The following RUFY2 variants were observed in gnomAD, a reference collection of about 807,000 sequenced individuals.
The protein encoded by RUFY2 is RUN and FYVE domain containing 2, also known as RUN and FYVE domain-containing protein 2.
A neutral mutation model predicts 94.4 loss-of-function variants in RUFY2; 49 were observed. That is an observed-to-expected ratio of 0.52 (90% CI 0.41 to 0.66). The LOEUF (loss-of-function observed/expected upper bound fraction) is 0.66. Ranked by LOEUF, RUFY2 falls within the 30% of genes least tolerant of loss-of-function variation. The pLI is 0.00. For synonymous variants in RUFY2, 255 were observed against 235.7 expected, an observed-to-expected ratio of 1.08 and a Z score of -0.75; for missense variants, 541 against 692.8, an observed-to-expected ratio of 0.78 and a Z score of 2.46.
At chr10:68,401,854 C>T (rs2050873392) in intron 2 of RUFY2, 117 bp from the exon 3 acceptor site, 3 of 675,212 alleles carry the variant, frequency 4.4e-6, no homozygotes, top group Non-Finnish European at 7.8e-6. Flanking sequence ...GAGATCTTTC[C>T]TCTTTTATCC....
intron 7 of RUFY2, 133 bp downstream of exon 7, chr10:68,393,005 C>T (rs1385759555): frequency 2.7e-6 from 1 of 375,290 alleles, no homozygotes; most frequent in Admixed American, 4.7e-5. Flanking sequence ...TGTATTCTTA[C>T]TTTCCATTTT....
At chr10:68,379,545 G>A in intron 11 of RUFY2, 24 bp from the exon 12 acceptor site, 6 of 1,545,608 alleles carry the variant, frequency 3.9e-6, no homozygotes, top group Non-Finnish European at 5.3e-6. Flanking sequence ...CAAAAGCTAT[G>A]GTGGTTTTGA....
chr10:68,356,218 T>C (rs990609908), intron 15 of RUFY2, among the ~76,000 whole-genome samples: 18 of 152,112 alleles, frequency 1.2e-4, no homozygotes, highest in African/African-American at 4.3e-4. Flanking sequence ...AAGAAAATAC[T>C]GTGAGCCAGG....
intron 12 of RUFY2, chr10:68,378,801 C>A: frequency 1.6e-6 from 1 of 617,970 alleles, no homozygotes; most frequent in South Asian, 2.3e-5. Flanking sequence ...ATATTCATGT[C>A]AATAAAGCAT....
At chr10:68,372,146 C>T (rs1037755217) in intron 13 of RUFY2, among the ~76,000 whole-genome samples, 7 of 152,144 alleles carry the variant, frequency 4.6e-5, no homozygotes, top group Admixed American at 1.3e-4. Flanking sequence ...CAGTGGCTCA[C>T]GCCTGTAATC....
chr10:68,341,183 C>T, downstream of RUFY2: 1 of 1,565,550 alleles, frequency 6.4e-7, no homozygotes, highest in Non-Finnish European at 8.6e-7. Flanking sequence ...GTTCTTCTCA[C>T]CACTAAATCC....
chr10:68,379,590 C>A (rs988027700), intron 11 of RUFY2, 69 bp from the exon 12 acceptor site: 1 of 1,017,104 alleles, frequency 9.8e-7, no homozygotes, highest in Non-Finnish European at 1.4e-6. Context: ...TGTGTGTGTG[C>A]GTGTTTTTAA....
intron 4 of RUFY2, among the ~76,000 whole-genome samples, chr10:68,396,339 A>G (rs1449039947): frequency 6.6e-6 from 1 of 152,168 alleles, no homozygotes; most frequent in African/African-American, 2.4e-5. Context: ...ATACAGGTGA[A>G]GCAATAATAT....
chr10:68,358,802 T>C (rs1324016063), intron 15 of RUFY2, among the ~76,000 whole-genome samples: 2 of 152,032 alleles, frequency 1.3e-5, no homozygotes, highest in African/African-American at 2.4e-5. Context: ...TTCCAGCTAC[T>C]CTGGAGGCTG....
Position 68,371,000 on chromosome 10 carries a change from C to T in RUFY2, c.1325+5853G>A, listed in dbSNP as rs556078239. Among the ~76,000 whole-genome samples the T allele has an allele frequency of 7.2e-5, 11 of 151,806 alleles. No individual in the cohort carries two copies. The South Asian group carries it at 1.9e-3, about 26-fold the overall frequency. On this transcript the variant is annotated intron_variant, in intron 13 of 17. Coordinates refer to ENST00000602465, the MANE Select transcript of RUFY2 (RefSeq NM_001330103.2). The stretch of plus-strand genomic sequence containing the variant: ...ACAAAAAATTAGCCGGGTGTGGTGA[C>T]GGGCACCTGTAGTCCCAGCTACTCG...
Position 68,364,079 on chromosome 10 carries a change from C to T in RUFY2, c.1360G>A (p.Glu454Lys). ...TCTTCCTGCAAAGTCTGCCTCCATT[C>T]CTTCTCAATCTTCAAGTCAGTTTCC... ...QLETDLKIEK[E>K]WRQTLQEDLQ... The change falls in exon 14 of 18, where the codon GAA becomes AAA. Residue 454 changes from glutamate (E) to lysine (K), a missense_variant. Glu to Lys is a moderately conservative substitution (Grantham distance 56). Around this residue, in one of 3 missense-constraint regions of RUFY2, gnomAD observed 403 missense variants for 480.7 expected, o/e 0.84. Coordinates refer to ENST00000602465, the MANE Select transcript of RUFY2 (RefSeq NM_001330103.2). 6.2e-7 allele frequency: 1 copy of T among 1,613,268 alleles called. No individual in the cohort carries two copies. Among genetic ancestry groups the T allele is most frequent in the South Asian group, 1.1e-5 (1 of 90,948 alleles).
intron 13 of RUFY2, among the ~76,000 whole-genome samples, chr10:68,371,232 T>C (rs1292984013): frequency 2.0e-5 from 3 of 150,766 alleles, no homozygotes; most frequent in Non-Finnish European, 4.4e-5. Flanking sequence ...CCAAACTGGC[T>C]AAGATGGTGA....
At chr10:68,359,450 T>C (rs974097111) in intron 15 of RUFY2, among the ~76,000 whole-genome samples, 1 of 140,890 alleles carries the variant, frequency 7.1e-6, no homozygotes, top group African/African-American at 2.5e-5. Flanking sequence ...TATATAAATA[T>C]ACATAGTAGT....
intron 7 of RUFY2, among the ~76,000 whole-genome samples, chr10:68,386,494 C>A (rs540840291): frequency 6.6e-6 from 1 of 152,184 alleles, no homozygotes; most frequent in South Asian, 2.1e-4. Flanking sequence ...GGTTTACAGG[C>A]GTGCGCCACC....
intron 16 of RUFY2, among the ~76,000 whole-genome samples, chr10:68,348,963 T>C (rs2132281561): frequency 6.6e-6 from 1 of 151,136 alleles, no homozygotes; most frequent in African/African-American, 2.4e-5. Context: ...AGTTAGCTGC[T>C]AGACTTACAC....
chr10:68,400,706 GA>G lies in RUFY2; in HGVS notation c.296+913del, dbSNP rs1364596975. 6.8e-4 allele frequency among the ~76,000 whole-genome samples: 95 copies of G among 139,070 alleles called. 1 individual carries two copies. Among genetic ancestry groups the G allele is most frequent in the African/African-American group, 2.3e-3 (88 of 37,994 alleles). 91.2% of individuals were successfully genotyped at this position (139,070 alleles called of 152,430 possible). A position where few individuals can be genotyped will look rare whatever the true frequency, so the allele number is the denominator to read the frequency against. On this transcript the variant is annotated intron_variant, in intron 3 of 17. Transcript: ENST00000602465. ...AAATAAAGAAAATAAAAATTAAAAA[GA>G]AAACTAAAAAAAAAAAGAATATAGG... is the stretch of plus-strand genomic sequence containing the variant.
intron 16 of RUFY2, among the ~76,000 whole-genome samples, chr10:68,353,446 G>A (rs1376814317): frequency 1.1e-4 from 17 of 151,724 alleles, no homozygotes; most frequent in African/African-American, 3.6e-4. Flanking sequence ...GCAGTGAGCC[G>A]AGATCATGCC....
intron 13 of RUFY2, among the ~76,000 whole-genome samples, chr10:68,375,830 G>T (rs1564815032): frequency 6.6e-6 from 1 of 151,910 alleles, no homozygotes; most frequent in Non-Finnish European, 1.5e-5. Flanking sequence ...AGGCACAGTG[G>T]CTCACGCCTG....
intron 3 of RUFY2, among the ~76,000 whole-genome samples, chr10:68,398,574 C>G (rs1450549301): frequency 1.3e-5 from 2 of 152,168 alleles, no homozygotes; most frequent in African/African-American, 4.8e-5. Flanking sequence ...ATCGCTTGAA[C>G]CCAGGAGGTG....
Sources: gnomAD v4.1 joint callset for allele counts (sites outside exome capture counted in the v4.1 genomes callset) on GRCh38, gnomAD v4.1.1 for gene constraint, gnomAD v4.1.1 regional missense constraint, MANE v1.5 for transcripts, NCBI Gene and HGNC (gene_info 2026-07-23, HGNC 2026-07-21) for gene names.